Variants in THRA observed in about 807,000 individuals in gnomAD.
THRA encodes the protein thyroid hormone receptor alpha.
THRA carries 13 observed loss-of-function variants against 45.0 expected under a neutral mutation model. The ratio of observed to expected loss-of-function variants is 0.29; its 90% confidence interval spans 0.19 to 0.46. The LOEUF (loss-of-function observed/expected upper bound fraction) is 0.46. Ranked by LOEUF, THRA falls within the 20% of genes least tolerant of loss-of-function variation. The probability of loss-of-function intolerance (pLI) is 1.00; values close to 1 mark genes in which losing one functional copy is unlikely to be tolerated. For missense variants in THRA, 278 were observed against 556.1 expected, an observed-to-expected ratio of 0.50 and a Z score of 5.03; for synonymous variants, 195 against 214.0, an observed-to-expected ratio of 0.91 and a Z score of 0.78.
chr17:40,063,708 G>T (rs1223474306), intron 1 of THRA, among the ~76,000 whole-genome samples: 4 of 152,160 alleles, frequency 2.6e-5, no homozygotes, highest in African/African-American at 9.7e-5. Context: ...TGGAAGGGGT[G>T]TACTTGGTGG....
chr17:40,074,184 C>T lies in THRA; in HGVS notation c.-297-8C>T. ...CTTCTTACCCCTGCCTCTCTCTTCT[C>T]TCCACAGGGATCTCTGGACAGGACA... On this transcript the variant is annotated splice_polypyrimidine_tract_variant and splice_region_variant and intron_variant, in intron 1 of 8. Coordinates refer to ENST00000450525, the MANE Select transcript of THRA (RefSeq NM_199334.5). 2 of 398,160 alleles carry T rather than the reference C, an allele frequency of 5.0e-6. No individual in the cohort carries two copies. Among genetic ancestry groups the T allele is most frequent in the Non-Finnish European group, 4.7e-6 (1 of 211,318 alleles). 24.7% of individuals were successfully genotyped at this position (398,160 alleles called of 1,614,324 possible). A position where few individuals can be genotyped will look rare whatever the true frequency, so the allele number is the denominator to read the frequency against.
In THRA at chr17:40,078,103, T is replaced by C. The variant is rs1987014302; in HGVS notation, c.222+495T>C. ...GCCTTAGTTTCAGTTTCTTCATCTA[T>C]AAAATGAGGATAATCATTCTCTCTA... On this transcript the variant is annotated intron_variant, in intron 4 of 8. Coordinates refer to ENST00000450525, the MANE Select transcript of THRA (RefSeq NM_199334.5). 3.9e-5 allele frequency among the ~76,000 whole-genome samples: 6 copies of C among 152,348 alleles called. No individual in the cohort carries two copies. In the South Asian group the frequency reaches 1.2e-3, roughly 32 times the overall value.
chr17:40,074,398 G>A lies in THRA; in HGVS notation c.-91G>A. 3.5e-6 allele frequency: 5 copies of A among 1,428,784 alleles called. No homozygotes were observed. In the South Asian group the frequency reaches 4.7e-5, roughly 13 times the overall value. The allele number at this position is 1,428,784 out of a possible 1,614,324, so 88.5% of individuals were successfully genotyped here. A position where few individuals can be genotyped will look rare whatever the true frequency, so the allele number is the denominator to read the frequency against. On this transcript the variant is annotated 5_prime_UTR_variant, in exon 2 of 9. Coordinates refer to ENST00000450525, the MANE Select transcript of THRA (RefSeq NM_199334.5). ...GTGCCCTAGGGCCTGGGTGGCAGGG[G>A]GTGGGTGGCCTGTGGGTGTGCCGGG...
At chr17:40,088,148 G>C (rs1401076092) in intron 7 of THRA, 94 bp from the exon 8 acceptor site, 1 of 1,487,488 alleles carries the variant, frequency 6.7e-7, no homozygotes, top group East Asian at 2.3e-5. Flanking sequence ...TGGGGGCCTT[G>C]CGGGCCTCAC....
chr17:40,065,771 A>T (rs1163077946), intron 1 of THRA, among the ~76,000 whole-genome samples: 1 of 66,372 alleles, frequency 1.5e-5, no homozygotes, highest in African/African-American at 9.0e-5. Context: ...GGAATGGGGG[A>T]AGGGGGGGGG....
At chr17:40,080,701 T>G (rs2145067944) in intron 4 of THRA, among the ~76,000 whole-genome samples, 1 of 149,494 alleles carries the variant, frequency 6.7e-6, no homozygotes, top group East Asian at 2.0e-4. Flanking sequence ...GTATCTTTGG[T>G]AGGTGCCTTT....
rs1239212695 is a variant in THRA, at chr17:40,090,079, A to C, written c.*623A>C. On this transcript the variant is annotated 3_prime_UTR_variant, in exon 9 of 9. Transcript: ENST00000450525. ...AGAGAGCGAGCGATAGAGAGAGATG[A>C]TATTAAGTTATTAACTGAGGCTGAC... is the stretch of plus-strand genomic sequence containing the variant. The C allele has an allele frequency of 1.0e-6, 1 of 972,910 alleles. No individual in the cohort carries two copies. The highest frequency in any genetic ancestry group is 1.2e-6 in the Non-Finnish European group (1 of 818,292). 60.3% of individuals were successfully genotyped at this position (972,910 alleles called of 1,614,324 possible). A position where few individuals can be genotyped will look rare whatever the true frequency, so the allele number is the denominator to read the frequency against.
At position 40,092,567 on chromosome 17, in the gene THRA, T is replaced by C. The variant is rs1987618302; in HGVS notation, c.*3111T>C. 2 of 156,000 alleles carry C rather than the reference T, an allele frequency of 1.3e-5. No homozygotes were observed. Among genetic ancestry groups the C allele is most frequent in the Non-Finnish European group, 2.9e-5 (2 of 70,148 alleles). 9.7% of individuals were successfully genotyped at this position (156,000 alleles called of 1,614,324 possible). ...AGGATTTTAAAGAAAGATATTTTTATGGTAATTGTTGCTCGTCTATTTTAC... is the reference window on the plus strand; with the variant it reads ...AGGATTTTAAAGAAAGATATTTTTACGGTAATTGTTGCTCGTCTATTTTAC... On this transcript the variant is annotated 3_prime_UTR_variant, in exon 9 of 9. Coordinates refer to ENST00000450525, the MANE Select transcript of THRA (RefSeq NM_199334.5).
rs563003253 is a variant in THRA at position 40,092,733 on chromosome 17, C to A, written c.*3277C>A. ...CTGACCAGATGGAGAGGTGGCCCCC[C>A]CCAGCCTTGGCAGTATTTCCACCCC... On this transcript the variant is annotated 3_prime_UTR_variant, in exon 9 of 9. Transcript: ENST00000450525. The A allele has an allele frequency of 1.2e-5, 4 of 341,780 alleles. No individual in the cohort carries two copies. The highest frequency in any genetic ancestry group is 4.6e-5 in the South Asian group (1 of 21,908). 21.2% of individuals were successfully genotyped at this position (341,780 alleles called of 1,614,324 possible).
At chr17:40,069,822 T>C (rs1053247781) in intron 1 of THRA, among the ~76,000 whole-genome samples, 8 of 151,830 alleles carry the variant, frequency 5.3e-5, no homozygotes, top group African/African-American at 1.9e-4. Flanking sequence ...CCTCCAGACC[T>C]GGGCACCCAC....
chr17:40,073,598 C>T (rs1413934752), intron 1 of THRA, among the ~76,000 whole-genome samples: 8 of 152,166 alleles, frequency 5.3e-5, no homozygotes, highest in African/African-American at 1.9e-4. Context: ...GATTCGAGAC[C>T]TTGCGTGGGA....
intron 1 of THRA, among the ~76,000 whole-genome samples, chr17:40,063,774 T>A (rs1182520633): frequency 1.3e-5 from 2 of 151,918 alleles, no homozygotes; most frequent in Non-Finnish European, 2.9e-5. Flanking sequence ...AATGGACCTG[T>A]GTGTGTGTAC....
chr17:40,083,010 C>T (rs1432796984), intron 4 of THRA, among the ~76,000 whole-genome samples: 4 of 151,572 alleles, frequency 2.6e-5, no homozygotes, highest in Non-Finnish European at 4.4e-5. Context: ...TCGTGGCAAG[C>T]TCCACCTCCT....
At chr17:40,086,078 C>T (rs1179429919) in intron 6 of THRA, among the ~76,000 whole-genome samples, 2 of 152,242 alleles carry the variant, frequency 1.3e-5, no homozygotes, top group Non-Finnish European at 2.9e-5. Flanking sequence ...CACCGCTGCA[C>T]TCCAGCCCAG....
chr17:40,093,215 C>T, downstream of THRA: 1 of 1,613,710 alleles, frequency 6.2e-7, no homozygotes, highest in Non-Finnish European at 8.5e-7. The surrounding 1 kb of genome is among the most constrained non-coding windows in gnomAD (Gnocchi z 5.9). Context: ...GCACCAGAGC[C>T]CGAAGAGCCC....
chr17:40,076,785 C>A, intron 2 of THRA, 86 bp from the exon 3 acceptor site: 1 of 1,399,462 alleles, frequency 7.1e-7, no homozygotes, highest in Non-Finnish European at 1.0e-6. Flanking sequence ...AAGAATCAGG[C>A]CTTGGGGGAT....
chr17:40,089,696 T>C lies in THRA; in HGVS notation c.*240T>C. ...GGACAGTGTGGGAGGCTGGGGGAGC[T>C]GTGTCCTGCAGTTCCCAGGACCCCA... On this transcript the variant is annotated 3_prime_UTR_variant, in exon 9 of 9. Transcript: ENST00000450525. The surrounding 1 kb of genome is among the most constrained non-coding windows in gnomAD (Gnocchi z 6.1). 1 of 1,376,462 alleles carries C rather than the reference T, an allele frequency of 7.3e-7. No individual in the cohort carries two copies. 85.3% of individuals were successfully genotyped at this position (1,376,462 alleles called of 1,614,324 possible). A position where few individuals can be genotyped will look rare whatever the true frequency, so the allele number is the denominator to read the frequency against.
At chr17:40,067,981 CT>C (rs1986631622) in intron 1 of THRA, among the ~76,000 whole-genome samples, 1 of 152,212 alleles carries the variant, frequency 6.6e-6, no homozygotes, top group Non-Finnish European at 1.5e-5. Flanking sequence ...GATTGTGCCA[CT>C]GCACTCTAGC....
chr17:40,070,694 C>T (rs528763416), intron 1 of THRA, among the ~76,000 whole-genome samples: 1 of 152,100 alleles, frequency 6.6e-6, no homozygotes, highest in Non-Finnish European at 1.5e-5. Context: ...GATCTCCCCC[C>T]ACCCTAGCAG....
Sources: gnomAD v4.1 joint callset for allele counts (sites outside exome capture counted in the v4.1 genomes callset) on GRCh38, gnomAD v4.1.1 for gene constraint, Gnocchi (gnomAD v3.1) non-coding constraint, MANE v1.5 for transcripts, NCBI Gene and HGNC (gene_info 2026-07-23, HGNC 2026-07-21) for gene names.